PTTG1IP: variants seen among roughly 807,000 people sequenced by gnomAD.
PTTG1IP encodes PTTG1 interacting protein.
PTTG1IP carries 16 observed loss-of-function variants against 24.4 expected under a neutral mutation model. That is an observed-to-expected ratio of 0.66 (90% CI 0.44 to 1.00). The LOEUF (loss-of-function observed/expected upper bound fraction) is 1.00. Ranked by LOEUF, PTTG1IP falls within the 50% of genes least tolerant of loss-of-function variation. The pLI, the probability that PTTG1IP is intolerant of heterozygous loss-of-function variation, is 0.00. For synonymous variants in PTTG1IP, 89 were observed against 96.8 expected, an observed-to-expected ratio of 0.92 and a Z score of 0.47; for missense variants, 241 against 245.8, an observed-to-expected ratio of 0.98 and a Z score of 0.13.
intron 2 of PTTG1IP, 77 bp from the exon 3 acceptor site, chr21:44,861,348 C>CTG: frequency 8.0e-7 from 1 of 1,245,076 alleles, no homozygotes; most frequent in Non-Finnish European, 1.1e-6. Flanking sequence ...GCCCACAGCC[C>CTG]GCCAGTGCTG....
chr21:44,853,274 G>A (rs1569320654), intron 5 of PTTG1IP, among the ~76,000 whole-genome samples: 1 of 152,202 alleles, frequency 6.6e-6, no homozygotes, highest in Non-Finnish European at 1.5e-5. Flanking sequence ...CTGGGAGGCC[G>A]AGGCGGGCGG....
intron 3 of PTTG1IP, among the ~76,000 whole-genome samples, chr21:44,857,171 T>G (rs979933437): frequency 2.0e-5 from 3 of 152,212 alleles, no homozygotes; most frequent in Non-Finnish European, 4.4e-5. Context: ...GTGTTTTCAA[T>G]CATGTAGTTC....
intron 3 of PTTG1IP, 91 bp from the exon 4 acceptor site, chr21:44,856,455 A>C: frequency 2.3e-5 from 32 of 1,370,722 alleles, no homozygotes; most frequent in Non-Finnish European, 2.9e-5. Flanking sequence ...GAACAACCTC[A>C]GGACACAGGA....
At chr21:44,871,002 C>G (rs2083580356) in intron 1 of PTTG1IP, among the ~76,000 whole-genome samples, 1 of 152,224 alleles carries the variant, frequency 6.6e-6, no homozygotes. Context: ...AGTCTCCATG[C>G]TCATCAGCAG....
chr21:44,868,387 C>T (rs1336655081), intron 1 of PTTG1IP, among the ~76,000 whole-genome samples: 1 of 152,200 alleles, frequency 6.6e-6, no homozygotes, highest in African/African-American at 2.4e-5. Context: ...CACCCAGCAG[C>T]AGAGGTGTAT....
intron 2 of PTTG1IP, among the ~76,000 whole-genome samples, chr21:44,863,857 G>A (rs2083513523): frequency 6.6e-6 from 1 of 152,242 alleles, no homozygotes; most frequent in Non-Finnish European, 1.5e-5. Context: ...AACTGACAGG[G>A]TGTGTCTCGA....
intron 3 of PTTG1IP, among the ~76,000 whole-genome samples, chr21:44,857,894 C>G (rs1424234359): frequency 2.6e-5 from 4 of 152,220 alleles, no homozygotes; most frequent in Non-Finnish European, 4.4e-5. Flanking sequence ...AGAGGGAGAA[C>G]TACAGAGGGG....
intron 5 of PTTG1IP, among the ~76,000 whole-genome samples, chr21:44,853,905 C>T (rs531229745): frequency 4.3e-4 from 66 of 152,326 alleles, no homozygotes; most frequent in African/African-American, 1.4e-3. Flanking sequence ...GCCCCCAAGC[C>T]GACACTTCGA....
intron 1 of PTTG1IP, among the ~76,000 whole-genome samples, chr21:44,866,618 T>C (rs2083543015): frequency 9.6e-6 from 1 of 103,914 alleles, no homozygotes; most frequent in Non-Finnish European, 1.8e-5. Flanking sequence ...ACAGACTGCG[T>C]ACTCCCCCAA....
Position 44,873,493 on chromosome 21 carries a change from C to A in PTTG1IP, c.115+9G>T. 7.1e-7 allele frequency: 1 copy of A among 1,402,606 alleles called. No homozygotes were observed. The highest frequency in any genetic ancestry group is 9.2e-7 in the Non-Finnish European group (1 of 1,084,112). The allele number at this position is 1,402,606 out of a possible 1,614,324, so 86.9% of individuals were successfully genotyped here. On this transcript the variant is annotated intron_variant, in intron 1 of 5. Coordinates refer to ENST00000330938, the MANE Select transcript of PTTG1IP (RefSeq NM_004339.4). ...CCCTTCGCGGCCCCGCCCGCCCCGGCGCCCTCACCAGCTCCGGGAGGCTCC... is the reference window on the plus strand; with the variant it reads ...CCCTTCGCGGCCCCGCCCGCCCCGGAGCCCTCACCAGCTCCGGGAGGCTCC...
At chr21:44,862,961 G>T (rs2083503597) in intron 2 of PTTG1IP, among the ~76,000 whole-genome samples, 1 of 152,166 alleles carries the variant, frequency 6.6e-6, no homozygotes, top group South Asian at 2.1e-4. Flanking sequence ...ATGAGCCACA[G>T]GACTGCACTG....
rs1009934425 is a variant in PTTG1IP at position 44,851,164 on chromosome 21, A to G, written c.*417T>C. On this transcript the variant is annotated 3_prime_UTR_variant, in exon 6 of 6. Transcript: ENST00000330938. The stretch of plus-strand genomic sequence containing the variant: ...TGATGAGGGCTGGTCAGTTCTCCTC[A>G]TGACAAAAGTCAAACCGACTTCCCT... The G allele has an allele frequency of 5.3e-5, 34 of 644,192 alleles. No individual in the cohort carries two copies. The African/African-American group carries it at 5.5e-4, about 10-fold the overall frequency. 39.9% of individuals were successfully genotyped at this position (644,192 alleles called of 1,614,324 possible). A position where few individuals can be genotyped will look rare whatever the true frequency, so the allele number is the denominator to read the frequency against.
rs1300988665 is a variant in PTTG1IP at position 44,861,787 on chromosome 21, T to G, written c.169-516A>C. 5.6e-6 allele frequency: 4 copies of G among 717,546 alleles called. No homozygotes were observed. The Admixed American group carries it at 8.0e-5, about 14-fold the overall frequency. 44.4% of individuals were successfully genotyped at this position (717,546 alleles called of 1,614,324 possible). ...CCCACACGCCGGGCACCTGTGCACT[T>G]CACTGGCTGAAGTCTCCCAAGAACA... On this transcript the variant is annotated intron_variant, in intron 2 of 5. Coordinates refer to ENST00000330938, the MANE Select transcript of PTTG1IP (RefSeq NM_004339.4).
chr21:44,861,569 GT>G (rs1211246986), intron 2 of PTTG1IP, among the ~76,000 whole-genome samples: 2 of 152,116 alleles, frequency 1.3e-5, no homozygotes, highest in Non-Finnish European at 2.9e-5. Flanking sequence ...AGCCTCCTGA[GT>G]GCTGCCAACC....
chr21:44,866,075 G>T (rs1403801942), intron 1 of PTTG1IP, among the ~76,000 whole-genome samples: 1 of 152,004 alleles, frequency 6.6e-6, no homozygotes, highest in Non-Finnish European at 1.5e-5. Context: ...ACTACTCAAA[G>T]CGCTGCTACT....
At chr21:44,854,648 C>T (rs1211729889) in intron 5 of PTTG1IP, among the ~76,000 whole-genome samples, 8 of 152,218 alleles carry the variant, frequency 5.3e-5, no homozygotes, top group Non-Finnish European at 1.2e-4. Context: ...CCAATTCACT[C>T]CAACTAAATA....
At chr21:44,864,266 G>T (rs1427241929) in intron 2 of PTTG1IP, among the ~76,000 whole-genome samples, 1 of 152,368 alleles carries the variant, frequency 6.6e-6, no homozygotes, top group East Asian at 1.9e-4. Flanking sequence ...TCATAGCGCT[G>T]CGAGGAGACT....
chr21:44,855,762 GC>G (rs1409799247), intron 4 of PTTG1IP, among the ~76,000 whole-genome samples: 1 of 152,146 alleles, frequency 6.6e-6, no homozygotes, highest in African/African-American at 2.4e-5. Flanking sequence ...TCCTGGGGTT[GC>G]CCCAGAGCCC....
At chr21:44,854,774 G>C (rs2083436514) in intron 5 of PTTG1IP, among the ~76,000 whole-genome samples, 1 of 152,184 alleles carries the variant, frequency 6.6e-6, no homozygotes, top group Non-Finnish European at 1.5e-5. Context: ...GAAGGAGCAG[G>C]GCCGGTGCTG....
Sources: gnomAD v4.1 joint callset for allele counts (sites outside exome capture counted in the v4.1 genomes callset) on GRCh38, gnomAD v4.1.1 for gene constraint, MANE v1.5 for transcripts, NCBI Gene and HGNC (gene_info 2026-07-23, HGNC 2026-07-21) for gene names.